Variants in EXOC6B observed in about 807,000 individuals in gnomAD.
EXOC6B encodes the protein exocyst complex component 6B.
In EXOC6B, 54 loss-of-function variants were observed where a neutral mutation model predicts 113.5. That is an observed-to-expected ratio of 0.48 (90% confidence interval 0.38 to 0.60). The LOEUF (loss-of-function observed/expected upper bound fraction) is 0.60. Among genes scored for constraint, EXOC6B ranks in the 20% least tolerant of loss-of-function variants. The pLI is 0.00. For missense variants in EXOC6B, 797 were observed against 977.5 expected (o/e 0.82, Z 2.46); for synonymous variants, 357 against 339.0 (o/e 1.05, Z -0.58).
chr2:72,767,831 A>AAAAAAAAAAAAAAAAAAAAAAAAC (rs1204403797), intron 1 of EXOC6B, among the ~76,000 whole-genome samples: 1 of 142,856 alleles, frequency 7.0e-6, no homozygotes, highest in Non-Finnish European at 1.5e-5. Context: ...AAAAAAAAAA[A>AAAAAAAAAAAAAAAAAAAAAAAAC]AAGACCAAGT....
In EXOC6B at chr2:72,514,605, AATAT is replaced by A. The variant is rs58454184; in HGVS notation, c.1046+25_1046+28del. 1.6e-3 allele frequency: 244 copies of A among 151,552 alleles called. 1 individual carries two copies. The highest frequency in any genetic ancestry group is 6.7e-3 in the Middle Eastern group (2 of 300). 9.4% of individuals were successfully genotyped at this position (151,552 alleles called of 1,614,324 possible). ...AAATAAATAAATAAATAAATAAATA[AATAT>A]ATATATATATATATATATACCTACC... On this transcript the variant is annotated intron_variant, in intron 10 of 21. Coordinates refer to ENST00000272427, the MANE Select transcript of EXOC6B (RefSeq NM_015189.3).
At chr2:72,676,552 G>A (rs1236562352) in intron 6 of EXOC6B, among the ~76,000 whole-genome samples, 1 of 152,088 alleles carries the variant, frequency 6.6e-6, no homozygotes, top group Non-Finnish European at 1.5e-5. Flanking sequence ...TACACAATAG[G>A]CTTTGTCTTG....
chr2:72,708,301 A>G (rs1355169891), intron 6 of EXOC6B, among the ~76,000 whole-genome samples: 2 of 152,212 alleles, frequency 1.3e-5, no homozygotes, highest in Non-Finnish European at 2.9e-5. Flanking sequence ...TCAAAATATT[A>G]TTAAAACACT....
chr2:72,731,350 GT>G, intron 3 of EXOC6B, 105 bp from the exon 4 acceptor site: 3 of 854,242 alleles, frequency 3.5e-6, no homozygotes, highest in Non-Finnish European at 5.7e-6. Context: ...ATCCCAGACA[GT>G]TTCATAGTAA....
At chr2:72,274,775 A>G (rs17008015) in intron 20 of EXOC6B, among the ~76,000 whole-genome samples, 35,830 of 152,080 alleles carry the variant, frequency 0.24, 5,849 homozygotes, top group African/African-American at 0.46. Flanking sequence ...TATTAAGCCA[A>G]CAGAAGCATT....
chr2:72,285,148 T>C (rs1685351080), intron 20 of EXOC6B, among the ~76,000 whole-genome samples: 1 of 152,066 alleles, frequency 6.6e-6, no homozygotes, highest in African/African-American at 2.4e-5. Context: ...AGAGGCAATA[T>C]ATCCAGAATA....
intron 19 of EXOC6B, among the ~76,000 whole-genome samples, chr2:72,372,703 G>A (rs1691111263): frequency 1.3e-5 from 2 of 151,900 alleles, no homozygotes; most frequent in Non-Finnish European, 1.5e-5. Flanking sequence ...AAGATAGGCG[G>A]GTATGGTGGC....
At chr2:72,496,604 G>A in intron 13 of EXOC6B, 45 bp from the exon 14 acceptor site, 1 of 1,192,670 alleles carries the variant, frequency 8.4e-7, no homozygotes, top group African/African-American at 1.5e-5. Flanking sequence ...GATAGACAAA[G>A]TGGGGGGGTA....
At chr2:72,409,773 T>C (rs574296801) in intron 18 of EXOC6B, among the ~76,000 whole-genome samples, 55 of 151,908 alleles carry the variant, frequency 3.6e-4, no homozygotes, top group East Asian at 3.9e-4. Flanking sequence ...TGTTAAATGA[T>C]GAGTTAATGG....
At chr2:72,443,875 C>T (rs13014033) in intron 18 of EXOC6B, among the ~76,000 whole-genome samples, 6 of 152,138 alleles carry the variant, frequency 3.9e-5, no homozygotes, top group Non-Finnish European at 8.8e-5. Flanking sequence ...TGGGTGGGGA[C>T]ACAGCCAAAC....
chr2:72,795,105 T>C (rs1184803668), intron 1 of EXOC6B, among the ~76,000 whole-genome samples: 1 of 152,102 alleles, frequency 6.6e-6, no homozygotes, highest in African/African-American at 2.4e-5. Flanking sequence ...TACAGAAAGG[T>C]ATGAGAATCA....
At chr2:72,735,711 G>C in intron 2 of EXOC6B, among the ~76,000 whole-genome samples, 1 of 151,742 alleles carries the variant, frequency 6.6e-6, no homozygotes, top group Non-Finnish European at 1.5e-5. Flanking sequence ...AGCTACTTGG[G>C]AGGCTGAGGC....
intron 7 of EXOC6B, among the ~76,000 whole-genome samples, chr2:72,573,967 T>A (rs985544130): frequency 7.2e-5 from 11 of 151,978 alleles, no homozygotes; most frequent in Middle Eastern, 6.8e-3. Context: ...ATACAAAAAA[T>A]TCACCAGGCA....
At chr2:72,561,861 T>C (rs892597822) in intron 7 of EXOC6B, among the ~76,000 whole-genome samples, 2 of 152,156 alleles carry the variant, frequency 1.3e-5, no homozygotes, top group Non-Finnish European at 2.9e-5. Flanking sequence ...TTGTAAGTAT[T>C]GTCTCTTATT....
At chr2:72,685,668 T>C (rs1573620574) in intron 6 of EXOC6B, among the ~76,000 whole-genome samples, 2 of 152,196 alleles carry the variant, frequency 1.3e-5, no homozygotes, top group South Asian at 4.1e-4. Flanking sequence ...CAGAAGTACC[T>C]TCTAACAAAA....
chr2:72,535,150 CCTCAATACCATTCAAGTTTT>C (rs1245232018), intron 8 of EXOC6B, among the ~76,000 whole-genome samples: 4 of 152,144 alleles, frequency 2.6e-5, no homozygotes, highest in African/African-American at 9.7e-5. Flanking sequence ...ACAAGAAACT[CCTCAATACCATTCAAGTTTT>C]TAGCAAGGAC....
intron 5 of EXOC6B, among the ~76,000 whole-genome samples, chr2:72,720,867 TA>T (rs202107672): frequency 4.7e-4 from 65 of 139,436 alleles, no homozygotes; most frequent in Middle Eastern, 3.8e-3. Flanking sequence ...GGACATTCCA[TA>T]AAAAAAAAAG....
intron 8 of EXOC6B, among the ~76,000 whole-genome samples, chr2:72,516,288 A>G (rs1701208934): frequency 1.3e-5 from 2 of 152,118 alleles, no homozygotes; most frequent in Admixed American, 1.3e-4. Flanking sequence ...TCACTCTGTC[A>G]CCAGGCTGGA....
chr2:72,424,030 A>C (rs1167348851), intron 18 of EXOC6B, among the ~76,000 whole-genome samples: 1 of 152,222 alleles, frequency 6.6e-6, no homozygotes, highest in African/African-American at 2.4e-5. Flanking sequence ...AATATTGTGC[A>C]AGATTGACTT....
Sources: gnomAD v4.1 joint callset for allele counts (sites outside exome capture counted in the v4.1 genomes callset) on GRCh38, gnomAD v4.1.1 for gene constraint, MANE v1.5 for transcripts, NCBI Gene and HGNC (gene_info 2026-07-23, HGNC 2026-07-21) for gene names.